Variants in PRR11 observed in about 807,000 individuals in gnomAD.
The protein encoded by PRR11 is proline rich 11, also known as proline-rich protein 11.
A neutral mutation model predicts 45.6 loss-of-function variants in PRR11; 30 were observed. The observed-to-expected ratio is 0.66, with a 90% CI of 0.49 to 0.89. The LOEUF (loss-of-function observed/expected upper bound fraction) is 0.89. PRR11 is among the 40% of genes least tolerant of loss of function. The pLI is 0.00. For missense variants in PRR11, 373 were observed against 424.8 expected, an observed-to-expected ratio of 0.88 and a Z score of 1.07; for synonymous variants, 128 against 153.5, an observed-to-expected ratio of 0.83 and a Z score of 1.23.
At chr17:59,166,619 GAT>G (rs1314288022) in intron 1 of PRR11, among the ~76,000 whole-genome samples, 1 of 151,994 alleles carries the variant, frequency 6.6e-6, no homozygotes, top group African/African-American at 2.4e-5. Context: ...TACTTATATA[GAT>G]ATATGTTAGT....
At chr17:59,179,740 C>T (rs758863650) in intron 2 of PRR11, 13 of 1,407,472 alleles carry the variant, frequency 9.2e-6, no homozygotes, top group Admixed American at 3.4e-5. Context: ...ACAGCGTCTC[C>T]GCCACCCAGG....
chr17:59,187,515 A>C (rs1416085220), intron 4 of PRR11, among the ~76,000 whole-genome samples: 1 of 151,958 alleles, frequency 6.6e-6, no homozygotes, highest in Non-Finnish European at 1.5e-5. Context: ...GGTTGCAGTG[A>C]GCTGAGATCG....
Position 59,185,647 on chromosome 17 carries a change from T to C in PRR11, c.402+85T>C, listed in dbSNP as rs1455719406. ...AAGACTATTGCAATAGGGAAAATGCTCAAGTCATAAGATTTATATCTCAAA... is the reference window on the plus strand; with the variant it reads ...AAGACTATTGCAATAGGGAAAATGCCCAAGTCATAAGATTTATATCTCAAA... On this transcript the variant is annotated intron_variant, in intron 4 of 9. Transcript: ENST00000262293. The C allele has an allele frequency of 7.5e-5, 91 of 1,215,666 alleles. No homozygotes were observed. The East Asian group carries it at 2.2e-3, about 29-fold the overall frequency. The allele number at this position is 1,215,666 out of a possible 1,614,324, so 75.3% of individuals were successfully genotyped here.
At chr17:59,180,493 C>CTTTTTTTTTTT (rs757636718) in intron 2 of PRR11, among the ~76,000 whole-genome samples, 1 of 118,244 alleles carries the variant, frequency 8.5e-6, no homozygotes, top group African/African-American at 4.7e-5. Flanking sequence ...TGGGCCCGTC[C>CTTTTTTTTTTT]TTGTTTTTTT....
In PRR11 at chr17:59,203,951, G is replaced by A. The variant is rs1599711464; in HGVS notation, c.*2320G>A. The A allele has an allele frequency of 6.6e-6, 1 of 151,594 alleles. No homozygotes were observed. The highest frequency in any genetic ancestry group is 6.6e-5 in the Admixed American group (1 of 15,186). 9.4% of individuals were successfully genotyped at this position (151,594 alleles called of 1,614,324 possible). A position where few individuals can be genotyped will look rare whatever the true frequency, so the allele number is the denominator to read the frequency against. ...CATTTACATTATGTAAAAATAAAGG[G>A]AATAATCACTGAGAATAAAGCAGTT... On this transcript the variant is annotated 3_prime_UTR_variant, in exon 10 of 10. Transcript: ENST00000262293.
intron 1 of PRR11, among the ~76,000 whole-genome samples, chr17:59,167,728 A>T (rs927360895): frequency 1.2e-4 from 18 of 152,188 alleles, no homozygotes; most frequent in African/African-American, 4.1e-4. Flanking sequence ...AGACATTACC[A>T]TGGCATTTGT....
At chr17:59,161,299 C>A (rs1473561329) in intron 1 of PRR11, among the ~76,000 whole-genome samples, 2 of 151,384 alleles carry the variant, frequency 1.3e-5, no homozygotes, top group East Asian at 3.9e-4. Flanking sequence ...CCCAGCTACT[C>A]GGGAGACTGA....
intron 2 of PRR11, chr17:59,179,811 C>T (rs371964641): frequency 4.7e-5 from 63 of 1,351,908 alleles, no homozygotes; most frequent in Admixed American, 1.2e-4. Flanking sequence ...TCCTCAGATT[C>T]GTCCGACCAC....
At chr17:59,163,051 T>C (rs2046661639) in intron 1 of PRR11, among the ~76,000 whole-genome samples, 2 of 151,784 alleles carry the variant, frequency 1.3e-5, no homozygotes, top group South Asian at 2.1e-4. Context: ...TTCTTCCTAG[T>C]ATACCTACAT....
At chr17:59,163,415 C>T (rs1448876009) in intron 1 of PRR11, among the ~76,000 whole-genome samples, 3 of 152,162 alleles carry the variant, frequency 2.0e-5, no homozygotes, top group African/African-American at 7.2e-5. Flanking sequence ...TGTTTAACAG[C>T]TTAACATTTA....
chr17:59,175,403 T>A (rs2046738715), intron 2 of PRR11, among the ~76,000 whole-genome samples: 2 of 152,172 alleles, frequency 1.3e-5, no homozygotes, highest in Non-Finnish European at 2.9e-5. Context: ...GGCAGGAGGA[T>A]CATTTGAGGC....
chr17:59,204,395 CAAAA>C lies in PRR11; in HGVS notation c.*2785_*2788del, dbSNP rs71367677. On this transcript the variant is annotated 3_prime_UTR_variant, in exon 10 of 10. Transcript: ENST00000262293. ...TGGGCAACAGAGCCAGACCCTGCCT[CAAAA>C]AAAAAAAAAAAAAAAAAAAAGGCCT... The C allele has an allele frequency of 2.3e-4, 11 of 48,876 alleles. No homozygotes were observed. Among genetic ancestry groups the C allele is most frequent in the Non-Finnish European group, 3.8e-4 (10 of 26,436 alleles). The allele number at this position is 48,876 out of a possible 1,614,324, so 3.0% of individuals were successfully genotyped here.
chr17:59,157,101 C>A (rs1034929726), intron 1 of PRR11, among the ~76,000 whole-genome samples: 1 of 152,180 alleles, frequency 6.6e-6, no homozygotes, highest in African/African-American at 2.4e-5. Context: ...GTAAAAACCT[C>A]CCTAACCAAG....
chr17:59,173,972 G>C (rs144229145), intron 2 of PRR11, among the ~76,000 whole-genome samples: 1 of 152,312 alleles, frequency 6.6e-6, no homozygotes, highest in Non-Finnish European at 1.5e-5. Flanking sequence ...TAGACAGGAA[G>C]GTTATTCACG....
chr17:59,175,302 G>A (rs913115366), intron 2 of PRR11, among the ~76,000 whole-genome samples: 7 of 152,164 alleles, frequency 4.6e-5, no homozygotes, highest in African/African-American at 7.2e-5. Context: ...GCTGAAGGGC[G>A]TCTCCCACTC....
rs528080175 is a variant in PRR11, at chr17:59,172,362, C to A, written c.128+2482C>A. Among the ~76,000 whole-genome samples, 5 of 152,372 alleles carry A rather than the reference C, an allele frequency of 3.3e-5. No individual in the cohort carries two copies. In the South Asian group the frequency reaches 8.3e-4, roughly 25 times the overall value. ...ATGGATTCCTAGAAGTGAGAGGTGA[C>A]AGCGTGCTGGCAGCCCTCGCTCGCT... On this transcript the variant is annotated intron_variant, in intron 2 of 9. Transcript: ENST00000262293.
intron 1 of PRR11, among the ~76,000 whole-genome samples, chr17:59,164,752 G>A (rs944955876): frequency 1.4e-4 from 22 of 151,726 alleles, no homozygotes; most frequent in Non-Finnish European, 2.8e-4. Context: ...GGTGGCGCGC[G>A]CCTGTAATCC....
rs1163664826 is a variant in PRR11, at chr17:59,168,239, G to A, written c.-5-1509G>A. Among the ~76,000 whole-genome samples, 3 of 151,476 alleles carry A rather than the reference G, an allele frequency of 2.0e-5. No homozygotes were observed. In the East Asian group the frequency reaches 5.9e-4, roughly 30 times the overall value. On this transcript the variant is annotated intron_variant, in intron 1 of 9. Transcript: ENST00000262293. ...GCTGGAGTGCAGTGGCGTGATCTCG[G>A]CTCACTGCAACCTCTGCCTCCTGGG...
chr17:59,180,654 C>T (rs531437924), intron 2 of PRR11, among the ~76,000 whole-genome samples: 3 of 150,896 alleles, frequency 2.0e-5, no homozygotes, highest in East Asian at 2.0e-4. Flanking sequence ...TACAGGCGTG[C>T]GCCACCACAC....
Sources: allele counts gnomAD v4.1 joint callset (sites outside exome capture counted in the v4.1 genomes callset), GRCh38; gene constraint gnomAD v4.1.1; transcripts MANE v1.5; gene names NCBI Gene and HGNC (gene_info 2026-07-23, HGNC 2026-07-21).